RBFOX1: variants seen among roughly 807,000 people sequenced by gnomAD.
RBFOX1 encodes the protein RNA binding protein fox-1 homolog 1.
RBFOX1 carries 8 observed loss-of-function variants against 57.7 expected under a neutral mutation model. That is an observed-to-expected ratio of 0.14 (90% CI 0.08 to 0.25). The LOEUF is 0.25. RBFOX1 is among the 10% of genes least tolerant of loss of function. The pLI, the probability that RBFOX1 is intolerant of heterozygous loss-of-function variation, is 1.00. For synonymous variants in RBFOX1, 326 were observed against 222.4 expected (o/e 1.47, Z -4.15); for missense variants, 611 against 548.5 (o/e 1.11, Z -1.14).
At chr16:5,418,822 A>G (rs925209020) in intron 1 of RBFOX1, among the ~76,000 whole-genome samples, 6 of 152,136 alleles carry the variant, frequency 3.9e-5, no homozygotes, top group Non-Finnish European at 8.8e-5. Context: ...TGGTTAGCAA[A>G]AGAGAAAGAC....
At chr16:6,084,208 G>T (rs971514842) in intron 1 of RBFOX1, among the ~76,000 whole-genome samples, 1 of 151,986 alleles carries the variant, frequency 6.6e-6, no homozygotes, top group African/African-American at 2.4e-5. Flanking sequence ...GAAATTTGCA[G>T]TATTTAATGG....
Position 5,856,593 on chromosome 16 carries a change from AT to A in RBFOX1, c.319-10709del, listed in dbSNP as rs1567632422. On this transcript the variant is annotated intron_variant, in intron 3 of 19. Coordinates refer to the RBFOX1 transcript ENST00000641259. ...TGTGTGTGTATATATATATATATATATATATATATATAATCTTAGCCAGATC... is the reference window on the plus strand; with the variant it reads ...TGTGTGTGTATATATATATATATATAATATATATATAATCTTAGCCAGATC... Among the ~76,000 whole-genome samples, 24 of 91,820 alleles carry A rather than the reference AT, an allele frequency of 2.6e-4. 2 individuals carry two copies. Among genetic ancestry groups the A allele is most frequent in the Admixed American group, 8.2e-4 (6 of 7,356 alleles). 60.2% of individuals were successfully genotyped at this position (91,820 alleles called of 152,430 possible).
rs866158861 is a variant in RBFOX1 at position 5,459,853 on chromosome 16, A to C, written c.220-7363A>C. ...GAAATGTGAGATTAACAGCTCCAAA[A>C]TATTTCTCGAGTCTCTCTCCTTCTC... On this transcript the variant is annotated intron_variant, in intron 1 of 2. Coordinates refer to the RBFOX1 transcript ENST00000585867. Among the ~76,000 whole-genome samples, 52 of 151,978 alleles carry C rather than the reference A, an allele frequency of 3.4e-4. 1 individual carries two copies. Among genetic ancestry groups the C allele is most frequent in the African/African-American group, 1.2e-3 (51 of 41,360 alleles).
At chr16:6,660,646 A>C (rs150685589) in intron 3 of RBFOX1, among the ~76,000 whole-genome samples, 29 of 152,274 alleles carry the variant, frequency 1.9e-4, no homozygotes, top group African/African-American at 6.7e-4. Flanking sequence ...GCTTATCTTT[A>C]AATTGGGAGT....
intron 3 of RBFOX1, among the ~76,000 whole-genome samples, chr16:6,921,694 C>A (rs952521226): frequency 6.7e-6 from 1 of 149,882 alleles, no homozygotes; most frequent in Admixed American, 6.6e-5. Flanking sequence ...GTATGGCAGG[C>A]AGAGGTGATG....
At chr16:6,645,410 T>C (rs574028781) in intron 2 of RBFOX1, among the ~76,000 whole-genome samples, 1 of 152,196 alleles carries the variant, frequency 6.6e-6, no homozygotes, top group South Asian at 2.1e-4. Context: ...TCTCTCCACA[T>C]TTTCTCGGGA....
intron 14 of RBFOX1, among the ~76,000 whole-genome samples, chr16:7,677,549 C>T (rs1299835110): frequency 6.6e-6 from 1 of 152,036 alleles, no homozygotes; most frequent in Admixed American, 6.6e-5. Context: ...TTTCTATCAC[C>T]CAGGCTGAAC....
At chr16:5,956,923 C>T (rs1318654800) in intron 4 of RBFOX1, among the ~76,000 whole-genome samples, 1 of 151,482 alleles carries the variant, frequency 6.6e-6, no homozygotes, top group African/African-American at 2.4e-5. Flanking sequence ...TCTGCCTTGG[C>T]ATCCCAAAGT....
intron 1 of RBFOX1, among the ~76,000 whole-genome samples, chr16:6,174,955 C>A (rs888545424): frequency 1.3e-5 from 2 of 152,238 alleles, no homozygotes; most frequent in Admixed American, 6.5e-5. Context: ...CCTGTATCCA[C>A]TGCTCACTAG....
rs2082440495 is a variant in RBFOX1, at chr16:6,959,195, T to G, written c.-15-92862T>G. ...GCCTTTTCATCTGTGAAATACTCGC[T>G]CGATTTCAGATTGTACTTAAAAAGT... On this transcript the variant is annotated intron_variant, in intron 3 of 15. Transcript: ENST00000550418. 2.0e-5 allele frequency among the ~76,000 whole-genome samples: 3 copies of G among 152,180 alleles called. No homozygotes were observed. In the South Asian group the frequency reaches 6.2e-4, roughly 32 times the overall value.
intron 4 of RBFOX1, among the ~76,000 whole-genome samples, chr16:7,292,279 A>T (rs1251224110): frequency 7.6e-6 from 1 of 130,930 alleles, no homozygotes; most frequent in Non-Finnish European, 1.5e-5. Context: ...CGTATTATAT[A>T]TCATATATCA....
intron 1 of RBFOX1, among the ~76,000 whole-genome samples, chr16:5,383,691 T>C (rs548968549): frequency 6.6e-6 from 1 of 152,324 alleles, no homozygotes; most frequent in Non-Finnish European, 1.5e-5. Flanking sequence ...ATAAGATGTT[T>C]CACACTATGA....
chr16:6,140,503 C>T (rs2096707513), intron 1 of RBFOX1, among the ~76,000 whole-genome samples: 1 of 152,098 alleles, frequency 6.6e-6, no homozygotes, highest in Non-Finnish European at 1.5e-5. Context: ...GCCAGAAATG[C>T]TTCTACTTTC....
At chr16:6,363,604 A>C (rs1242257435) in intron 2 of RBFOX1, among the ~76,000 whole-genome samples, 1 of 152,250 alleles carries the variant, frequency 6.6e-6, no homozygotes, top group Non-Finnish European at 1.5e-5. Flanking sequence ...TTTTGAAGGG[A>C]ACAGCAGTGA....
intron 2 of RBFOX1, among the ~76,000 whole-genome samples, chr16:6,470,444 T>A (rs2153079282): frequency 6.6e-6 from 1 of 152,374 alleles, no homozygotes; most frequent in East Asian, 1.9e-4. Context: ...AAAAGTTGAT[T>A]AGCAACTGCA....
chr16:7,331,751 C>G (rs1163156375), intron 4 of RBFOX1, among the ~76,000 whole-genome samples: 1 of 152,128 alleles, frequency 6.6e-6, no homozygotes, highest in Admixed American at 6.6e-5. Context: ...CAAGATCACA[C>G]AGCTAGTGAT....
intron 1 of RBFOX1, among the ~76,000 whole-genome samples, chr16:6,087,048 C>T (rs143555610): frequency 1.3e-5 from 2 of 152,232 alleles, no homozygotes; most frequent in South Asian, 2.1e-4. Context: ...TGGAGTGAGA[C>T]GGATTGATAT....
chr16:7,058,406 G>C (rs145001209), intron 4 of RBFOX1, among the ~76,000 whole-genome samples: 1 of 152,118 alleles, frequency 6.6e-6, no homozygotes, highest in African/African-American at 2.4e-5. Context: ...AACATTGTTT[G>C]CAAAATACAC....
intron 6 of RBFOX1, among the ~76,000 whole-genome samples, chr16:7,582,382 A>G (rs918442336): frequency 6.6e-6 from 1 of 152,140 alleles, no homozygotes; most frequent in African/African-American, 2.4e-5. Context: ...TTGTCTATAA[A>G]AGTGCCAGGA....
Sources: allele counts gnomAD v4.1 joint callset (sites outside exome capture counted in the v4.1 genomes callset), GRCh38; gene constraint gnomAD v4.1.1; transcripts MANE v1.5; gene names NCBI Gene and HGNC (gene_info 2026-07-23, HGNC 2026-07-21).